Variants in MDN1 observed in about 807,000 individuals in gnomAD.
The protein encoded by MDN1 is midasin.
In MDN1, 266 loss-of-function variants were observed where a neutral mutation model predicts 669.2. The ratio of observed to expected loss-of-function variants is 0.40; its 90% confidence interval spans 0.36 to 0.44. MDN1 has a LOEUF of 0.44. Ranked by LOEUF, MDN1 falls within the 20% of genes least tolerant of loss-of-function variation. MDN1 has a pLI of 1.00. For missense variants in MDN1, 5,940 were observed against 6,754.0 expected, an observed-to-expected ratio of 0.88 and a Z score of 4.22; for synonymous variants, 2,385 against 2,457.1, an observed-to-expected ratio of 0.97 and a Z score of 0.87.
intron 40 of MDN1, among the ~76,000 whole-genome samples, chr6:89,722,570 C>T (rs1014014083): frequency 5.9e-5 from 9 of 152,152 alleles, no homozygotes; most frequent in African/African-American, 1.7e-4. Flanking sequence ...GCTTGCTAGC[C>T]GGGCGTGGTG....
At chr6:89,728,873 T>G in intron 36 of MDN1, 58 bp downstream of exon 36, 1 of 1,504,950 alleles carries the variant, frequency 6.6e-7, no homozygotes, top group Non-Finnish European at 9.1e-7. Flanking sequence ...AAATATAAAT[T>G]GACACAGACA....
intron 55 of MDN1, among the ~76,000 whole-genome samples, chr6:89,701,061 G>C (rs1432676592): frequency 6.6e-6 from 1 of 152,236 alleles, no homozygotes; most frequent in South Asian, 2.1e-4. Context: ...TCAGGAATAA[G>C]TAAGATGATA....
chr6:89,765,938 TG>T (rs1279208622), intron 15 of MDN1, among the ~76,000 whole-genome samples: 1 of 152,210 alleles, frequency 6.6e-6, no homozygotes, highest in Non-Finnish European at 1.5e-5. Flanking sequence ...CTGTTATTAT[TG>T]ATCTATTGAA....
chr6:89,652,703 G>A (rs1390450186), intron 94 of MDN1, among the ~76,000 whole-genome samples: 1 of 152,152 alleles, frequency 6.6e-6, no homozygotes, highest in Admixed American at 6.5e-5. Context: ...CTTACACAAG[G>A]ATGGTTAGAA....
At position 89,794,210 on chromosome 6, in the gene MDN1, A is replaced by G. The variant is rs1229680612; in HGVS notation, c.555-3T>C. On this transcript the variant is annotated splice_region_variant and splice_polypyrimidine_tract_variant and intron_variant, in intron 3 of 101. Coordinates refer to ENST00000369393, the MANE Select transcript of MDN1 (RefSeq NM_014611.3). The stretch of plus-strand genomic sequence containing the variant: ...AAGCAAGACAATTGGCTGTATACCT[A>G]GGGAAAAAGAAAGTATGTAAATTCA... 6 of 1,514,118 alleles carry G rather than the reference A, an allele frequency of 4.0e-6. No individual in the cohort carries two copies. Among genetic ancestry groups the G allele is most frequent in the Non-Finnish European group, 1.8e-6 (2 of 1,112,804 alleles). 93.8% of individuals were successfully genotyped at this position (1,514,118 alleles called of 1,614,324 possible). A position where few individuals can be genotyped will look rare whatever the true frequency, so the allele number is the denominator to read the frequency against.
rs372021128 is a variant in MDN1, at chr6:89,695,749, C to T, written c.9627G>A (p.Glu3209=). Residue 3209 remains glutamate, a synonymous_variant, in exon 61 of 102, where the codon GAG becomes GAA. Coordinates refer to ENST00000369393, the MANE Select transcript of MDN1 (RefSeq NM_014611.3). The surrounding 1 kb of genome is among the most constrained non-coding windows in gnomAD (Gnocchi z 4.1). ...TSLHHFVGEG[E]SKRSLPEPAQ... is the part of the protein sequence containing the mutation. Reference sequence around the variant, plus strand: ...CTGGCTCAGGCAGGCTCCTCTTACTCTCCCCTTCACCAACAAAGTGGTGCA... The same window carrying T: ...CTGGCTCAGGCAGGCTCCTCTTACTTTCCCCTTCACCAACAAAGTGGTGCA... 1.2e-6 allele frequency: 2 copies of T among 1,613,756 alleles called. No homozygotes were observed. The highest frequency in any genetic ancestry group is 1.7e-6 in the Non-Finnish European group (2 of 1,180,008).
At chr6:89,798,364 T>C (rs1033394740) in intron 2 of MDN1, among the ~76,000 whole-genome samples, 1 of 151,524 alleles carries the variant, frequency 6.6e-6, no homozygotes, top group Non-Finnish European at 1.5e-5. Context: ...AAGACAAAAT[T>C]AGCCATGAGT....
chr6:89,677,826 C>G, intron 75 of MDN1, 130 bp from the exon 76 acceptor site: 3 of 1,189,220 alleles, frequency 2.5e-6, no homozygotes, highest in Non-Finnish European at 3.6e-6. Context: ...AATGCAGACT[C>G]TCAGGCTGCA....
rs761391000 is a variant in MDN1, at chr6:89,738,362, G to A, written c.4687C>T (p.Arg1563Cys). 35 of 1,613,944 alleles carry A rather than the reference G, an allele frequency of 2.2e-5. 1 individual carries two copies. In the East Asian group the frequency reaches 6.2e-4, roughly 29 times the overall value. ...DLIQIISHNL[R>C]PGLCLGRIDP... ...ATTCTGCCCAGACACAATCCTGGAC[G>A]AAGATTATGACTGATGATCTGAATT... Residue 1563 changes from arginine to cysteine, a missense_variant, in exon 33 of 102, where the codon CGT becomes TGT. Physicochemically the swap from Arg to Cys is radical, Grantham distance 180. This residue lies in a region of MDN1 where 2,292 missense variants were observed against 2,638.3 expected (regional missense o/e 0.87). Coordinates refer to ENST00000369393, the MANE Select transcript of MDN1 (RefSeq NM_014611.3).
intron 73 of MDN1, among the ~76,000 whole-genome samples, chr6:89,682,699 T>TAAAAAAAAAAAAAAAA (rs143107841): frequency 7.2e-5 from 7 of 96,894 alleles, no homozygotes; most frequent in Non-Finnish European, 1.3e-4. Flanking sequence ...GACTCTGTCT[T>TAAAAAAAAAAAAAAAA]AAAAAAAAAA....
chr6:89,786,510 G>C (rs951374824), intron 8 of MDN1, among the ~76,000 whole-genome samples: 13 of 152,032 alleles, frequency 8.6e-5, no homozygotes, highest in African/African-American at 3.1e-4. Flanking sequence ...AAGAGGCTGA[G>C]GCAGGAGGAT....
chr6:89,717,862 G>T (rs144791494), intron 43 of MDN1, among the ~76,000 whole-genome samples: 186 of 152,242 alleles, frequency 1.2e-3, no homozygotes, highest in African/African-American at 4.4e-3. Flanking sequence ...CCCAGCCTGT[G>T]GGCCTTTAGG....
intron 8 of MDN1, 48 bp from the exon 9 acceptor site, chr6:89,785,174 A>G (rs577549318): frequency 7.7e-7 from 1 of 1,300,124 alleles, no homozygotes; most frequent in South Asian, 1.2e-5. Context: ...CCAAATTTTA[A>G]TCCTGAATTG....
chr6:89,765,421 G>A (rs2128321567), intron 15 of MDN1, among the ~76,000 whole-genome samples: 1 of 152,248 alleles, frequency 6.6e-6, no homozygotes, highest in South Asian at 2.1e-4. Flanking sequence ...CAGTGAAAAT[G>A]GTGAGAAATT....
intron 84 of MDN1, among the ~76,000 whole-genome samples, chr6:89,667,128 T>G (rs1405859401): frequency 6.6e-6 from 1 of 152,256 alleles, no homozygotes; most frequent in Non-Finnish European, 1.5e-5. Context: ...AAGCTTTTTA[T>G]TCCATGTAAT....
intron 33 of MDN1, among the ~76,000 whole-genome samples, chr6:89,734,984 G>T (rs1020818573): frequency 2.0e-5 from 3 of 150,688 alleles, no homozygotes; most frequent in African/African-American, 7.3e-5. Context: ...TCCACCTCTC[G>T]GGTTCAAGCG....
At chr6:89,796,363 C>CAAAAAAAAAAAA (rs1819613038) in intron 2 of MDN1, among the ~76,000 whole-genome samples, 5 of 99,504 alleles carry the variant, frequency 5.0e-5, no homozygotes, top group African/African-American at 1.6e-4. Context: ...AAAAAAAAAA[C>CAAAAAAAAAAAA]CAAACACTTT....
In MDN1 at chr6:89,754,471, G is replaced by A. The variant is rs1183200185; in HGVS notation, c.2817-241C>T. ...CCTTGGGGAAACTGGGAAGTGCAAT[G>A]TGCAATTCCTCTAGCAAAAAGGTAC... On this transcript the variant is annotated intron_variant, in intron 20 of 101. Coordinates refer to ENST00000369393, the MANE Select transcript of MDN1 (RefSeq NM_014611.3). Among the ~76,000 whole-genome samples the A allele has an allele frequency of 2.6e-5, 4 of 152,168 alleles. No homozygotes were observed. In the East Asian group the frequency reaches 5.8e-4, roughly 22 times the overall value.
chr6:89,643,809 T>A lies in MDN1; in HGVS notation c.*196A>T. 3 of 478,962 alleles carry A rather than the reference T, an allele frequency of 6.3e-6. No homozygotes were observed. The highest frequency in any genetic ancestry group is 1.1e-5 in the Non-Finnish European group (3 of 276,764). The allele number at this position is 478,962 out of a possible 1,614,324, so 29.7% of individuals were successfully genotyped here. ...AGTTACGAGTTCAGGCACCTGCTGC[T>A]GCTTCCAGGTTTGGTATAAAAACCT... On this transcript the variant is annotated 3_prime_UTR_variant, in exon 102 of 102. Coordinates refer to ENST00000369393, the MANE Select transcript of MDN1 (RefSeq NM_014611.3).
Sources: gnomAD v4.1 joint callset for allele counts (sites outside exome capture counted in the v4.1 genomes callset) on GRCh38, gnomAD v4.1.1 for gene constraint, gnomAD v4.1.1 regional missense constraint, Gnocchi (gnomAD v3.1) non-coding constraint, MANE v1.5 for transcripts, NCBI Gene and HGNC (gene_info 2026-07-23, HGNC 2026-07-21) for gene names.